The following CELF4 variants were observed in gnomAD, a reference collection of about 807,000 sequenced individuals.
CELF4 encodes the protein CUG-BP- and ETR-3-like factor 4.
Under a neutral mutation model 59.9 loss-of-function variants are expected in CELF4, and 18 were observed. That is an observed-to-expected ratio of 0.30 (90% CI 0.21 to 0.45). The LOEUF (loss-of-function observed/expected upper bound fraction) is 0.45, where lower values mean the gene tolerates loss of function less well. Among genes scored for constraint, CELF4 ranks in the 20% least tolerant of loss-of-function variants. CELF4 has a pLI of 1.00. For synonymous variants in CELF4, 261 were observed against 267.1 expected, an observed-to-expected ratio of 0.98 and a Z score of 0.22; for missense variants, 456 against 689.0, an observed-to-expected ratio of 0.66 and a Z score of 3.79.
intron 1 of CELF4, among the ~76,000 whole-genome samples, chr18:37,558,429 T>C (rs1353589477): frequency 1.3e-5 from 2 of 151,328 alleles, no homozygotes; most frequent in Non-Finnish European, 2.9e-5. Flanking sequence ...TAACTTCTCT[T>C]ATGTTGCCGA....
chr18:37,439,336 A>AT (rs1240804115), intron 2 of CELF4, among the ~76,000 whole-genome samples: 1 of 152,180 alleles, frequency 6.6e-6, no homozygotes, highest in East Asian at 1.9e-4. Context: ...TGGGGTTTAC[A>AT]TAAATTGAAA....
At chr18:37,544,291 G>A (rs879936501) in intron 1 of CELF4, among the ~76,000 whole-genome samples, 8 of 151,990 alleles carry the variant, frequency 5.3e-5, no homozygotes, top group African/African-American at 9.7e-5. Context: ...GTAAATTCCC[G>A]TTTGCTAGAC....
At chr18:37,354,163 C>G (rs1339343487) in intron 2 of CELF4, among the ~76,000 whole-genome samples, 1 of 152,110 alleles carries the variant, frequency 6.6e-6, no homozygotes, top group African/African-American at 2.4e-5. Context: ...ATGCTGAGCA[C>G]CTGCTGTGTT....
chr18:37,338,104 C>T (rs1490044106), intron 2 of CELF4, among the ~76,000 whole-genome samples: 32 of 92,446 alleles, frequency 3.5e-4, no homozygotes, highest in African/African-American at 6.9e-4. Flanking sequence ...ATTGTCACCA[C>T]TACTGTCACT....
At chr18:37,564,218 A>G (rs1374362633) in intron 1 of CELF4, among the ~76,000 whole-genome samples, 1 of 152,174 alleles carries the variant, frequency 6.6e-6, no homozygotes, top group East Asian at 1.9e-4. Flanking sequence ...AATCTCTCTC[A>G]GAAAGCATTT....
chr18:37,479,870 T>C (rs2099861455), intron 2 of CELF4, among the ~76,000 whole-genome samples: 1 of 152,212 alleles, frequency 6.6e-6, no homozygotes, highest in African/African-American at 2.4e-5. Context: ...CCTAACGCGA[T>C]ATGACTGCTG....
At chr18:37,462,793 GT>G (rs33987730) in intron 2 of CELF4, among the ~76,000 whole-genome samples, 12,207 of 146,320 alleles carry the variant, frequency 0.083, 539 homozygotes, top group East Asian at 0.15. Context: ...ACATTATGAG[GT>G]TTTTTTTTTT....
intron 6 of CELF4, 186 bp downstream of exon 6, chr18:37,274,125 G>A: frequency 7.1e-7 from 1 of 1,402,986 alleles, no homozygotes; most frequent in East Asian, 2.8e-5. Flanking sequence ...CACCCCAACT[G>A]GGCCAGCCTT....
intron 8 of CELF4, among the ~76,000 whole-genome samples, chr18:37,269,405 G>C (rs1043422597): frequency 5.3e-5 from 8 of 152,154 alleles, no homozygotes; most frequent in Non-Finnish European, 1.0e-4. Flanking sequence ...GCTGCTAGTG[G>C]GACTTTTATA....
chr18:37,251,029 G>T (rs1044391948), intron 12 of CELF4, among the ~76,000 whole-genome samples: 8 of 152,002 alleles, frequency 5.3e-5, no homozygotes, highest in African/African-American at 9.7e-5. Context: ...GGTAGGGTGG[G>T]GCTTCTCATT....
intron 3 of CELF4, among the ~76,000 whole-genome samples, chr18:37,281,435 A>T (rs1156511683): frequency 6.6e-6 from 1 of 152,198 alleles, no homozygotes; most frequent in African/African-American, 2.4e-5. Context: ...AATGCCTTTT[A>T]TTACCGCAGT....
At chr18:37,258,119 G>A (rs1465371111) in intron 11 of CELF4, among the ~76,000 whole-genome samples, 3 of 152,112 alleles carry the variant, frequency 2.0e-5, no homozygotes, top group Non-Finnish European at 4.4e-5. Flanking sequence ...TATTTTATCT[G>A]ACAGCCATAC....
chr18:37,416,998 G>A (rs1405001553), intron 2 of CELF4, among the ~76,000 whole-genome samples: 1 of 151,510 alleles, frequency 6.6e-6, no homozygotes, highest in African/African-American at 2.4e-5. Flanking sequence ...GAAGAGAGAG[G>A]AAAGGAAAGG....
At chr18:37,313,076 C>G (rs1399287706) in intron 3 of CELF4, among the ~76,000 whole-genome samples, 2 of 152,148 alleles carry the variant, frequency 1.3e-5, no homozygotes, top group African/African-American at 4.8e-5. Context: ...GGGGCAGACT[C>G]CTTCTCCTTC....
chr18:37,304,572 G>GAGCTTC (rs56024418), intron 3 of CELF4, among the ~76,000 whole-genome samples: 148,501 of 152,144 alleles, frequency 0.98, 72,498 homozygotes, highest in East Asian at 1. Context: ...ATAAAGAAAT[G>GAGCTTC]AGCTTCAGCT....
At chr18:37,464,524 G>A (rs2099802587) in intron 2 of CELF4, among the ~76,000 whole-genome samples, 1 of 152,188 alleles carries the variant, frequency 6.6e-6, no homozygotes, top group African/African-American at 2.4e-5. Flanking sequence ...AGACATCAGA[G>A]CTTTGTCCAT....
At chr18:37,461,503 G>GC (rs985220681) in intron 2 of CELF4, among the ~76,000 whole-genome samples, 20 of 152,126 alleles carry the variant, frequency 1.3e-4, no homozygotes, top group Non-Finnish European at 2.8e-4. Flanking sequence ...GAGGGGAACC[G>GC]CCCCCATGAT....
chr18:37,557,997 CTTTTT>C (rs34181233), intron 1 of CELF4, among the ~76,000 whole-genome samples: 19 of 100,756 alleles, frequency 1.9e-4, no homozygotes, highest in East Asian at 6.0e-4. Context: ...ATCCCTTTTA[CTTTTT>C]TTTTTTTTTT....
At chr18:37,496,837 TGAGG>T (rs1193288381) in intron 1 of CELF4, among the ~76,000 whole-genome samples, 1 of 152,126 alleles carries the variant, frequency 6.6e-6, no homozygotes, top group Non-Finnish European at 1.5e-5. Context: ...ATATTTAACC[TGAGG>T]GCTGCGGCGA....
Sources: allele counts gnomAD v4.1 joint callset (sites outside exome capture counted in the v4.1 genomes callset), GRCh38; gene constraint gnomAD v4.1.1; transcripts MANE v1.5; gene names NCBI Gene and HGNC (gene_info 2026-07-23, HGNC 2026-07-21).